OASL: variants seen among roughly 807,000 people sequenced by gnomAD.
OASL encodes the protein 2'-5'-oligoadenylate synthetase like.
In OASL, 28 loss-of-function variants were observed where a neutral mutation model predicts 35.3. The observed-to-expected ratio is 0.79, with a 90% CI of 0.59 to 1.09. The LOEUF (loss-of-function observed/expected upper bound fraction) is 1.09. OASL is among the 50% of genes least tolerant of loss of function. OASL has a pLI of 0.00. For missense variants in OASL, 620 were observed against 635.2 expected (o/e 0.98, Z 0.26); for synonymous variants, 252 against 254.6 (o/e 0.99, Z 0.10).
chr12:121,022,581 C>A (rs553714684), intron 5 of OASL, among the ~76,000 whole-genome samples: 1 of 151,950 alleles, frequency 6.6e-6, no homozygotes, highest in South Asian at 2.1e-4. Flanking sequence ...CATGGGTGGG[C>A]CTCCTCATTT....
At chr12:121,027,853 C>A (rs1447813251) in intron 3 of OASL, 36 bp from the exon 4 acceptor site, 2 of 1,548,598 alleles carry the variant, frequency 1.3e-6, no homozygotes, top group Admixed American at 1.7e-5. Flanking sequence ...GAGAGAGAGA[C>A]CCTAAGATTC....
chr12:121,029,959 G>A (rs1485882944), intron 3 of OASL, among the ~76,000 whole-genome samples: 7 of 152,026 alleles, frequency 4.6e-5, no homozygotes, highest in East Asian at 1.9e-4. Flanking sequence ...CTTCACCTCC[G>A]GGGCTCAAGT....
exon 4 of OASL, chr12:121,027,632 G>A: frequency 1.9e-6 from 3 of 1,614,152 alleles, no homozygotes; most frequent in Non-Finnish European, 2.5e-6. Flanking sequence ...TGTGGAGTGT[G>A]TAGTACTTGG....
At chr12:121,020,497 G>C in exon 6 of OASL, 3 of 1,493,294 alleles carry the variant, frequency 2.0e-6, no homozygotes, top group Non-Finnish European at 2.7e-6. Flanking sequence ...ATGGGACAGA[G>C]TGATTGACAG....
downstream of OASL, among the ~76,000 whole-genome samples, chr12:121,018,461 G>A (rs552043227): frequency 2.0e-5 from 3 of 151,970 alleles, no homozygotes; most frequent in Non-Finnish European, 2.9e-5. Flanking sequence ...CGGGCCCAAG[G>A]AGGGAGGGGA....
intron 1 of OASL, among the ~76,000 whole-genome samples, chr12:121,037,410 A>G (rs993742892): frequency 2.0e-5 from 3 of 151,954 alleles, no homozygotes; most frequent in Non-Finnish European, 4.4e-5. Flanking sequence ...GGGTCCCTTG[A>G]GTCAAGTTCA....
At chr12:121,019,472 A>G (rs1203078033) in exon 6 of OASL, 2 of 152,136 alleles carry the variant, frequency 1.3e-5, no homozygotes, top group African/African-American at 4.8e-5. Flanking sequence ...TTACTTTCCT[A>G]CAGTTTCCTG....
At chr12:121,019,522 G>A (rs1869149760) in exon 6 of OASL, 2 of 152,192 alleles carry the variant, frequency 1.3e-5, no homozygotes, top group African/African-American at 2.4e-5. Flanking sequence ...TAGGAGTTGA[G>A]GTGATTTTTT....
chr12:121,024,014 G>A (rs1869372153), exon 5 of OASL: 2 of 1,614,016 alleles, frequency 1.2e-6, no homozygotes, highest in Non-Finnish European at 1.7e-6. Flanking sequence ...TGGAGATGGG[G>A]TTCTCCCTGT....
rs544154043 is a variant in OASL, at chr12:121,027,813, A to G, written c.662T>C (p.Val221Ala). The G allele has an allele frequency of 1.9e-6, 3 of 1,613,208 alleles. No individual in the cohort carries two copies. The South Asian group carries it at 3.3e-5, about 18-fold the overall frequency. Residue 221 changes from valine to alanine, a missense_variant, in exon 4 of 6, where the codon GTG becomes GCG. Physicochemically the swap from Val to Ala is moderately conservative, Grantham distance 64. Coordinates refer to ENST00000257570, the Ensembl canonical transcript of OASL. ...ATTGGCTCTGGGGGACCTGGCTTTC[A>G]CATACTGTTGAAAGAGATGGGAAGA...
intron 5 of OASL, among the ~76,000 whole-genome samples, chr12:121,023,334 G>A (rs1245797745): frequency 6.9e-6 from 1 of 145,794 alleles, no homozygotes; most frequent in East Asian, 2.0e-4. Context: ...TGCTGTCCAG[G>A]CTGGAGTGCA....
chr12:121,033,875 C>A, intron 1 of OASL, 132 bp from the exon 2 acceptor site: 1 of 878,362 alleles, frequency 1.1e-6, no homozygotes, highest in Non-Finnish European at 1.7e-6. Context: ...AGTACTAATA[C>A]CCACACTTTA....
exon 4 of OASL, chr12:121,027,814 C>T: frequency 1.2e-6 from 2 of 1,612,782 alleles, no homozygotes; most frequent in East Asian, 4.5e-5. Flanking sequence ...CTGGCTTTCA[C>T]ATACTGTTGA....
At chr12:121,034,381 G>T (rs1385226099) in intron 1 of OASL, among the ~76,000 whole-genome samples, 1 of 152,078 alleles carries the variant, frequency 6.6e-6, no homozygotes, top group African/African-American at 2.4e-5. Flanking sequence ...CGCCCAGGCT[G>T]GTCTCGAACT....
intron 2 of OASL, 68 bp downstream of exon 2, chr12:121,033,393 G>A (rs2135913738): frequency 1.3e-6 from 2 of 1,519,956 alleles, no homozygotes; most frequent in Non-Finnish European, 1.8e-6. Flanking sequence ...CATGAGTAAA[G>A]GTGAGACACT....
At chr12:121,034,109 A>T (rs1869858847) in intron 1 of OASL, among the ~76,000 whole-genome samples, 1 of 152,108 alleles carries the variant, frequency 6.6e-6, no homozygotes, top group African/African-American at 2.4e-5. Flanking sequence ...GGTGCCTGGC[A>T]CACAGGAAGT....
At chr12:121,020,481 T>C in exon 6 of OASL, 6 of 1,428,226 alleles carry the variant, frequency 4.2e-6, no homozygotes, top group Non-Finnish European at 5.7e-6. Context: ...ACCTTCCCAG[T>C]AGACAATGGG....
At chr12:121,021,378 T>A (rs1024182009) in intron 5 of OASL, among the ~76,000 whole-genome samples, 4 of 152,138 alleles carry the variant, frequency 2.6e-5, no homozygotes, top group Non-Finnish European at 5.9e-5. Context: ...ATATGTGAAG[T>A]GAGGTTGGTC....
exon 6 of OASL, chr12:121,019,844 C>T (rs1869160635): frequency 6.6e-6 from 1 of 152,168 alleles, no homozygotes; most frequent in Non-Finnish European, 1.5e-5. Flanking sequence ...AGTGCACTCA[C>T]CAGAAGTGGG....
Sources: gnomAD v4.1 joint callset for allele counts (sites outside exome capture counted in the v4.1 genomes callset) on GRCh38, gnomAD v4.1.1 for gene constraint, MANE v1.5 for transcripts, NCBI Gene and HGNC (gene_info 2026-07-23, HGNC 2026-07-21) for gene names.